PAK2: variants seen among roughly 807,000 people sequenced by gnomAD.
The protein encoded by PAK2 is serine/threonine-protein kinase PAK 2.
Under a neutral mutation model 65.9 loss-of-function variants are expected in PAK2, and 21 were observed. That is an observed-to-expected ratio of 0.32 (90% CI 0.23 to 0.46). The LOEUF is 0.46. PAK2 is among the 20% of genes least tolerant of loss of function. PAK2 has a pLI of 1.00. For synonymous variants in PAK2, 204 were observed against 219.7 expected, an observed-to-expected ratio of 0.93 and a Z score of 0.63; for missense variants, 324 against 642.6, an observed-to-expected ratio of 0.50 and a Z score of 5.36.
At chr3:196,811,472 C>T (rs1164454261) in intron 8 of PAK2, among the ~76,000 whole-genome samples, 17 of 139,892 alleles carry the variant, frequency 1.2e-4, no homozygotes, top group Non-Finnish European at 2.0e-4. Flanking sequence ...ACCTCTGCCT[C>T]CCGGGTTCAA....
chr3:196,785,210 A>G (rs1714846448), intron 2 of PAK2: 1 of 152,172 alleles, frequency 6.6e-6, no homozygotes, highest in Non-Finnish European at 1.5e-5. Context: ...TAATATAATC[A>G]GAGTGTTGTG....
In PAK2 at chr3:196,812,242, C is replaced by G; in HGVS notation, c.797C>G (p.Ala266Gly). ...GQGASGTVFTATDVALGQEVA... is the reference protein window; with the variant it reads ...GQGASGTVFTGTDVALGQEVA... ...AGGGCTTCTGGTACAGTTTTCACTGCTACTGACGTTGCACTGGGACAGGAG... is the reference window on the plus strand; with the variant it reads ...AGGGCTTCTGGTACAGTTTTCACTGGTACTGACGTTGCACTGGGACAGGAG... The change falls in exon 9 of 15, where the codon GCT (alanine) becomes GGT (glycine). Residue 266 changes from alanine (A) to glycine (G), a missense_variant. Physicochemically the swap from Ala to Gly is moderately conservative, Grantham distance 60. This residue lies in a region of PAK2 where 183 missense variants were observed against 246.2 expected (regional missense o/e 0.74). Coordinates refer to ENST00000327134, the MANE Select transcript of PAK2 (RefSeq NM_002577.4). 1 of 1,593,028 alleles carries G rather than the reference C, an allele frequency of 6.3e-7. No individual in the cohort carries two copies. The highest frequency in any genetic ancestry group is 1.1e-5 in the South Asian group (1 of 90,664).
chr3:196,758,012 A>G (rs1177067571), intron 1 of PAK2, among the ~76,000 whole-genome samples: 2 of 152,096 alleles, frequency 1.3e-5, no homozygotes, highest in Admixed American at 1.3e-4. Flanking sequence ...CTGGGTCTCC[A>G]CTAGCCTAAA....
At chr3:196,774,647 A>C (rs1337913505) in intron 1 of PAK2, among the ~76,000 whole-genome samples, 1 of 152,232 alleles carries the variant, frequency 6.6e-6, no homozygotes, top group Non-Finnish European at 1.5e-5. Flanking sequence ...ACGTGAGATG[A>C]AATTGACTCA....
At chr3:196,818,447 A>G (rs1365457185) in intron 12 of PAK2, among the ~76,000 whole-genome samples, 2 of 151,812 alleles carry the variant, frequency 1.3e-5, no homozygotes, top group African/African-American at 2.4e-5. Context: ...CTGGAGTGCA[A>G]CCTCCGCCTC....
At chr3:196,745,604 A>G (rs1262439848) in intron 1 of PAK2, among the ~76,000 whole-genome samples, 2 of 152,162 alleles carry the variant, frequency 1.3e-5, no homozygotes, top group African/African-American at 4.8e-5. Context: ...ACCTGATGTC[A>G]GCAGTTGGAA....
intron 1 of PAK2, among the ~76,000 whole-genome samples, chr3:196,745,818 T>TAAAAAA (rs747996109): frequency 0.017 from 2,447 of 142,180 alleles, 75 homozygotes; most frequent in African/African-American, 0.06. Context: ...CATCTCTAAG[T>TAAAAAA]AAAAAAAAAA....
intron 1 of PAK2, among the ~76,000 whole-genome samples, chr3:196,769,772 A>C (rs975159838): frequency 6.6e-6 from 1 of 151,852 alleles, no homozygotes; most frequent in East Asian, 1.9e-4. Flanking sequence ...AGCTGAGATC[A>C]TGCCACTGCA....
chr3:196,811,820 GAACACCAAATACAGGATA>G (rs2108765445), intron 8 of PAK2, among the ~76,000 whole-genome samples: 1 of 152,152 alleles, frequency 6.6e-6, no homozygotes, highest in Admixed American at 6.6e-5. Flanking sequence ...TGAAAATGAT[GAACACCAAATACAGGATA>G]AACACCAAAT....
chr3:196,806,720 T>C (rs745957477), intron 6 of PAK2, 34 bp downstream of exon 6: 20 of 1,203,422 alleles, frequency 1.7e-5, no homozygotes, highest in South Asian at 3.7e-5. Flanking sequence ...GCTGTGTGTG[T>C]GCACGTGTGT....
chr3:196,805,511 T>A, intron 5 of PAK2, 128 bp downstream of exon 5: 1 of 514,178 alleles, frequency 1.9e-6, no homozygotes, highest in Non-Finnish European at 3.5e-6. Flanking sequence ...TCAATAGGTG[T>A]TTTTAGCTAG....
intron 1 of PAK2, among the ~76,000 whole-genome samples, chr3:196,754,971 A>G (rs1269963037): frequency 6.6e-6 from 1 of 152,212 alleles, no homozygotes; most frequent in East Asian, 1.9e-4. Flanking sequence ...AGATATCTTC[A>G]TAGTTCTTTT....
intron 13 of PAK2, among the ~76,000 whole-genome samples, chr3:196,825,224 T>C (rs1711804494): frequency 7.1e-5 from 9 of 126,562 alleles, no homozygotes; most frequent in Admixed American, 6.6e-4. Context: ...TGCATGCCTG[T>C]ACTCCCAGCT....
chr3:196,761,929 C>CA (rs1490381135), intron 1 of PAK2, among the ~76,000 whole-genome samples: 1 of 141,742 alleles, frequency 7.1e-6, no homozygotes, highest in Non-Finnish European at 1.6e-5. Flanking sequence ...AGAGGCTCCT[C>CA]ACTTCTCAGA....
intron 1 of PAK2, among the ~76,000 whole-genome samples, chr3:196,761,686 G>A (rs1462370397): frequency 1.4e-5 from 2 of 142,270 alleles, no homozygotes; most frequent in African/African-American, 2.6e-5. Flanking sequence ...CCTCCCAGAC[G>A]GGGTGGTGGC....
At chr3:196,770,687 A>G (rs1033385928) in intron 1 of PAK2, among the ~76,000 whole-genome samples, 10 of 151,802 alleles carry the variant, frequency 6.6e-5, no homozygotes, top group African/African-American at 2.4e-4. Flanking sequence ...CAGTGGCACC[A>G]TCTCGGCTCA....
chr3:196,828,199 TGTTTA>T (rs1315541847), intron 14 of PAK2, 115 bp from the exon 15 acceptor site: 1 of 666,398 alleles, frequency 1.5e-6, no homozygotes, highest in South Asian at 1.9e-5. Context: ...TATTAATATG[TGTTTA>T]GTTTATTAAA....
intron 2 of PAK2, among the ~76,000 whole-genome samples, chr3:196,800,764 C>A (rs769846692): frequency 6.6e-6 from 1 of 152,092 alleles, no homozygotes; most frequent in Non-Finnish European, 1.5e-5. Flanking sequence ...TAAATGGCAA[C>A]ACTGGAAATG....
chr3:196,767,635 A>AC lies in PAK2; in HGVS notation c.-21-14989dup, dbSNP rs1028277000. 1.1e-4 allele frequency among the ~76,000 whole-genome samples: 17 copies of AC among 151,630 alleles called. 1 individual carries two copies. The highest frequency in any genetic ancestry group is 4.1e-4 in the African/African-American group (17 of 41,120). On this transcript the variant is annotated intron_variant, in intron 1 of 14. Coordinates refer to ENST00000327134, the MANE Select transcript of PAK2 (RefSeq NM_002577.4). ...TCCCGAGTAGCTGGGACTACAGGTG[A>AC]CCGCCACCACGCCCAGCTAATTTTT...
Sources: gnomAD v4.1 joint callset for allele counts (sites outside exome capture counted in the v4.1 genomes callset) on GRCh38, gnomAD v4.1.1 for gene constraint, gnomAD v4.1.1 regional missense constraint, MANE v1.5 for transcripts, NCBI Gene and HGNC (gene_info 2026-07-23, HGNC 2026-07-21) for gene names.